Variants in APMAP observed in about 807,000 individuals in gnomAD.
The protein encoded by APMAP is adipocyte plasma membrane-associated protein.
Under a neutral mutation model 43.6 loss-of-function variants are expected in APMAP, and 33 were observed. That is an observed-to-expected ratio of 0.76 (90% CI 0.57 to 1.01). The LOEUF is 1.01. Among genes scored for constraint, APMAP ranks in the 50% least tolerant of loss-of-function variants. The pLI is 0.00. For missense variants in APMAP, 498 were observed against 540.7 expected (o/e 0.92, Z 0.78); for synonymous variants, 224 against 216.7 (o/e 1.03, Z -0.30).
intron 3 of APMAP, among the ~76,000 whole-genome samples, chr20:24,974,455 T>C (rs915076090): frequency 1.3e-5 from 2 of 152,068 alleles, no homozygotes; most frequent in Admixed American, 6.5e-5. Context: ...GGGCAAAGAA[T>C]AGAAAACAGT....
At chr20:24,982,675 T>C (rs2088114640) in intron 2 of APMAP, among the ~76,000 whole-genome samples, 4 of 151,986 alleles carry the variant, frequency 2.6e-5, no homozygotes, top group Admixed American at 2.6e-4. Flanking sequence ...AACCCAAGCT[T>C]CTAATCCCCA....
chr20:24,991,820 G>C (rs766903204), intron 1 of APMAP, among the ~76,000 whole-genome samples: 3 of 152,150 alleles, frequency 2.0e-5, no homozygotes, highest in Non-Finnish European at 4.4e-5. Flanking sequence ...CTATGCTTAC[G>C]AATCATGATT....
Position 24,963,411 on chromosome 20 carries a change from A to G in APMAP, c.*402T>C, listed in dbSNP as rs1237435878. 4 of 213,270 alleles carry G rather than the reference A, an allele frequency of 1.9e-5. No homozygotes were observed. Among genetic ancestry groups the G allele is most frequent in the Non-Finnish European group, 2.9e-5 (3 of 103,906 alleles). The allele number at this position is 213,270 out of a possible 1,614,324, so 13.2% of individuals were successfully genotyped here. Reference sequence around the variant, plus strand: ...TGACCGCACGTTATATATAGTAAAGAAGAACTTTGAGGCCGCAGGACAGGG... The same window carrying G: ...TGACCGCACGTTATATATAGTAAAGGAGAACTTTGAGGCCGCAGGACAGGG... On this transcript the variant is annotated 3_prime_UTR_variant, in exon 9 of 9. Transcript: ENST00000217456.
At chr20:24,967,555 A>G (rs535300786) in intron 8 of APMAP, among the ~76,000 whole-genome samples, 13 of 152,294 alleles carry the variant, frequency 8.5e-5, no homozygotes, top group Middle Eastern at 3.4e-3. Context: ...TAAACAGAAA[A>G]ACACCTGCTC....
chr20:24,964,516 A>G, intron 8 of APMAP: 1 of 463,230 alleles, frequency 2.2e-6, no homozygotes. Flanking sequence ...CAGACCACAC[A>G]ACATGGCTTC....
Position 24,992,667 on chromosome 20 carries a change from G to A in APMAP, c.22C>T (p.Arg8Ter). The change falls in exon 1 of 9, where the codon CGA becomes TGA. Residue 8 changes from arginine (R) to a stop codon, truncating the protein, a stop_gained. Coordinates refer to ENST00000217456, the MANE Select transcript of APMAP (RefSeq NM_020531.3). LOFTEE classifies it high-confidence loss of function. Reference protein sequence around the residue: MSEADGLRQRRPLRPQVV... With the variant: MSEADGL ...TGCGGCCGCAGGGGCCGGCGCTGTCGCAGCCCGTCCGCCTCGCTCATGGTA... is the reference window on the plus strand; with the variant it reads ...TGCGGCCGCAGGGGCCGGCGCTGTCACAGCCCGTCCGCCTCGCTCATGGTA... 2 of 1,546,278 alleles carry A rather than the reference G, an allele frequency of 1.3e-6. No homozygotes were observed. The highest frequency in any genetic ancestry group is 1.7e-6 in the Non-Finnish European group (2 of 1,147,940).
chr20:24,992,463 C>T (rs1352591229), intron 1 of APMAP, 131 bp downstream of exon 1: 4 of 686,742 alleles, frequency 5.8e-6, no homozygotes, highest in Admixed American at 4.2e-5. Flanking sequence ...GGGGATGAAA[C>T]GAGAGGACTC....
At chr20:24,966,921 C>T (rs1333965267) in intron 8 of APMAP, among the ~76,000 whole-genome samples, 2 of 152,164 alleles carry the variant, frequency 1.3e-5, no homozygotes, top group Non-Finnish European at 2.9e-5. Context: ...CAGCCGCTAA[C>T]TCGGAAACAG....
chr20:24,990,732 T>C (rs2088184593), intron 1 of APMAP, among the ~76,000 whole-genome samples: 2 of 152,088 alleles, frequency 1.3e-5, no homozygotes, highest in Non-Finnish European at 2.9e-5. Flanking sequence ...CTACTAGAAA[T>C]GACCACAAAA....
intron 1 of APMAP, 58 bp downstream of exon 1, chr20:24,992,536 G>A (rs1600293907): frequency 2.2e-6 from 3 of 1,385,478 alleles, no homozygotes; most frequent in East Asian, 5.9e-5. Flanking sequence ...TGTCCAAGAG[G>A]GTCGCCCTCC....
chr20:24,970,114 G>A (rs2087985562), intron 6 of APMAP, 83 bp downstream of exon 6: 4 of 1,504,574 alleles, frequency 2.7e-6, no homozygotes, highest in Non-Finnish European at 3.7e-6. Flanking sequence ...TACTCCCTTG[G>A]TCCCTAGAAG....
chr20:24,983,842 A>T, intron 2 of APMAP, 61 bp downstream of exon 2: 1 of 1,177,028 alleles, frequency 8.5e-7, no homozygotes, highest in Non-Finnish European at 1.2e-6. Context: ...TTCCTTGGAA[A>T]TTATTTCAGC....
intron 3 of APMAP, among the ~76,000 whole-genome samples, chr20:24,975,014 G>A (rs1295245063): frequency 6.6e-6 from 1 of 152,152 alleles, no homozygotes; most frequent in Non-Finnish European, 1.5e-5. Context: ...GCTGGGAGTA[G>A]AGGGGAAACT....
At chr20:24,979,857 T>C (rs2088086141) in intron 2 of APMAP, among the ~76,000 whole-genome samples, 1 of 152,160 alleles carries the variant, frequency 6.6e-6, no homozygotes, top group South Asian at 2.1e-4. Context: ...CCCTGCTGGG[T>C]CCTAACCACA....
chr20:24,965,519 G>A (rs916749703), intron 8 of APMAP, among the ~76,000 whole-genome samples: 1 of 152,256 alleles, frequency 6.6e-6, no homozygotes, highest in African/African-American at 2.4e-5. Context: ...GTGAGGAGGT[G>A]TCCCTGCAGG....
chr20:24,983,482 A>G (rs1270487248), intron 2 of APMAP, among the ~76,000 whole-genome samples: 1 of 152,248 alleles, frequency 6.6e-6, no homozygotes, highest in Non-Finnish European at 1.5e-5. Flanking sequence ...TGCATTACTC[A>G]TAGATCTCTA....
At chr20:24,974,625 T>C (rs889230624) in intron 3 of APMAP, among the ~76,000 whole-genome samples, 5 of 152,206 alleles carry the variant, frequency 3.3e-5, no homozygotes, top group East Asian at 1.9e-4. Flanking sequence ...TAAAGACATA[T>C]ATAGATTAAA....
intron 4 of APMAP, among the ~76,000 whole-genome samples, chr20:24,973,123 A>G (rs1028107762): frequency 1.3e-5 from 2 of 152,208 alleles, no homozygotes; most frequent in Non-Finnish European, 2.9e-5. Flanking sequence ...AAAACATTCC[A>G]GCTATTAAAA....
At chr20:24,980,099 C>T (rs2088088963) in intron 2 of APMAP, among the ~76,000 whole-genome samples, 1 of 152,334 alleles carries the variant, frequency 6.6e-6, no homozygotes, top group African/African-American at 2.4e-5. Flanking sequence ...AGAACATACG[C>T]TCCATGAGAT....
Sources: allele counts gnomAD v4.1 joint callset (sites outside exome capture counted in the v4.1 genomes callset), GRCh38; gene constraint gnomAD v4.1.1; transcripts MANE v1.5; gene names NCBI Gene and HGNC (gene_info 2026-07-23, HGNC 2026-07-21).